NRG3: variants seen among roughly 807,000 people sequenced by gnomAD.
NRG3 encodes the protein pro-neuregulin-3, membrane-bound isoform.
NRG3 carries 31 observed loss-of-function variants against 66.9 expected under a neutral mutation model. The ratio of observed to expected loss-of-function variants is 0.46; its 90% CI spans 0.35 to 0.63. The LOEUF is 0.63. NRG3 is among the 20% of genes least tolerant of loss of function. The pLI is 0.00. For missense variants in NRG3, 910 were observed against 878.9 expected, an observed-to-expected ratio of 1.04 and a Z score of -0.45; for synonymous variants, 393 against 359.4, an observed-to-expected ratio of 1.09 and a Z score of -1.06.
chr10:82,763,094 A>G (rs556499994), intron 3 of NRG3, among the ~76,000 whole-genome samples: 1 of 152,334 alleles, frequency 6.6e-6, no homozygotes, highest in South Asian at 2.1e-4. Flanking sequence ...TTTATGGGGT[A>G]CAGTGATTTC....
At chr10:81,916,831 A>G (rs957452543) in intron 1 of NRG3, among the ~76,000 whole-genome samples, 3 of 152,148 alleles carry the variant, frequency 2.0e-5, no homozygotes, top group Non-Finnish European at 4.4e-5. Context: ...CCAGGTGCCA[A>G]CTCATGTTCG....
intron 1 of NRG3, among the ~76,000 whole-genome samples, chr10:82,332,688 A>C (rs927134789): frequency 6.6e-6 from 1 of 152,138 alleles, no homozygotes; most frequent in African/African-American, 2.4e-5. Context: ...TCATCTCTCT[A>C]CTGGCATGAG....
rs192058114 is a variant in NRG3, at chr10:82,403,064, T to C, written c.953+44196T>C. Among the ~76,000 whole-genome samples, 3 of 152,268 alleles carry C rather than the reference T, an allele frequency of 2.0e-5. No individual in the cohort carries two copies. In the East Asian group the frequency reaches 5.8e-4, roughly 29 times the overall value. The stretch of plus-strand genomic sequence containing the variant: ...AGGATGAGGTCAAGAATGAGTAATG[T>C]ACAACCACAGAAAAGACGTGACATG... On this transcript the variant is annotated intron_variant, in intron 2 of 8. Coordinates refer to ENST00000372141, the MANE Select transcript of NRG3 (RefSeq NM_001010848.4).
chr10:82,473,962 A>C (rs756876539), intron 2 of NRG3, among the ~76,000 whole-genome samples: 11 of 152,286 alleles, frequency 7.2e-5, no homozygotes, highest in East Asian at 1.9e-4. Context: ...TGACTCTTAG[A>C]TAAAATAAGA....
intron 1 of NRG3, among the ~76,000 whole-genome samples, chr10:82,136,041 C>G (rs2069318476): frequency 6.6e-6 from 1 of 152,126 alleles, no homozygotes; most frequent in Non-Finnish European, 1.5e-5. Context: ...TTTTTTGTCA[C>G]TGCAACCTTA....
intron 3 of NRG3, among the ~76,000 whole-genome samples, chr10:82,835,426 G>C (rs1481855351): frequency 6.6e-6 from 1 of 152,034 alleles, no homozygotes; most frequent in African/African-American, 2.4e-5. Flanking sequence ...CATTAGTATA[G>C]AATACTAACC....
chr10:82,342,277 A>G (rs2082724236), intron 1 of NRG3, among the ~76,000 whole-genome samples: 1 of 152,042 alleles, frequency 6.6e-6, no homozygotes, highest in Non-Finnish European at 1.5e-5. Flanking sequence ...CCCATTGGGT[A>G]TATACTCAGA....
At chr10:82,810,623 C>T (rs1156400151) in intron 3 of NRG3, among the ~76,000 whole-genome samples, 4 of 151,120 alleles carry the variant, frequency 2.6e-5, no homozygotes, top group Admixed American at 6.6e-5. Context: ...ATTAGCCAGG[C>T]GTGCTGGTGG....
At chr10:82,389,864 G>A (rs575762391) in intron 2 of NRG3, among the ~76,000 whole-genome samples, 4 of 152,258 alleles carry the variant, frequency 2.6e-5, no homozygotes, top group African/African-American at 9.6e-5. Flanking sequence ...ACATTAACAC[G>A]TATGATAACT....
At chr10:81,876,318 G>A (rs981879014) in intron 1 of NRG3, among the ~76,000 whole-genome samples, 155 bp downstream of exon 1, 2 of 152,228 alleles carry the variant, frequency 1.3e-5, no homozygotes, top group African/African-American at 4.8e-5. Flanking sequence ...GCCACCAGCG[G>A]GGAAGAAGGT....
chr10:82,042,165 G>A (rs773960439), intron 1 of NRG3, among the ~76,000 whole-genome samples: 23 of 151,860 alleles, frequency 1.5e-4, no homozygotes, highest in African/African-American at 1.9e-4. Context: ...TTTTGAACAC[G>A]AAACCAAAAT....
intron 2 of NRG3, among the ~76,000 whole-genome samples, chr10:82,709,558 G>A (rs933224120): frequency 2.6e-5 from 4 of 151,886 alleles, no homozygotes; most frequent in Admixed American, 6.6e-5. Flanking sequence ...ATTTTTGTAT[G>A]TTAGTAGAGA....
intron 1 of NRG3, among the ~76,000 whole-genome samples, chr10:82,185,105 CAA>C (rs777542712): frequency 5.3e-5 from 8 of 152,020 alleles, no homozygotes; most frequent in Non-Finnish European, 1.0e-4. Flanking sequence ...GAAGAGAAAA[CAA>C]GAGGCTAGCC....
At chr10:82,867,695 T>C (rs12262419) in intron 4 of NRG3, among the ~76,000 whole-genome samples, 27,228 of 152,016 alleles carry the variant, frequency 0.18, 2,528 homozygotes, top group Middle Eastern at 0.27. Flanking sequence ...AAAGAAGAGA[T>C]TGAGAATGCA....
intron 1 of NRG3, among the ~76,000 whole-genome samples, chr10:81,916,233 C>T (rs765586402): frequency 2.0e-5 from 3 of 152,032 alleles, no homozygotes; most frequent in African/African-American, 4.8e-5. Flanking sequence ...CAACCTGGCC[C>T]ATAGTAGAAA....
intron 2 of NRG3, among the ~76,000 whole-genome samples, chr10:82,510,421 G>C (rs966902274): frequency 1.3e-5 from 2 of 151,978 alleles, no homozygotes; most frequent in Non-Finnish European, 2.9e-5. Context: ...TCCCTGTGCA[G>C]ACATTCAGCA....
intron 2 of NRG3, among the ~76,000 whole-genome samples, chr10:82,438,708 C>T (rs1313888714): frequency 7.2e-5 from 11 of 152,224 alleles, no homozygotes; most frequent in East Asian, 1.9e-4. Context: ...TGCACAGTTC[C>T]GTGAAAAAAG....
intron 2 of NRG3, among the ~76,000 whole-genome samples, chr10:82,519,401 T>C (rs753427550): frequency 1.3e-5 from 2 of 152,186 alleles, no homozygotes; most frequent in Non-Finnish European, 2.9e-5. Context: ...CATTTGAATA[T>C]AGCAGATTGT....
chr10:82,879,603 G>C (rs537513317), intron 4 of NRG3, among the ~76,000 whole-genome samples: 57 of 151,810 alleles, frequency 3.8e-4, no homozygotes, highest in Non-Finnish European at 1.2e-4. Context: ...CTCTGGAGTA[G>C]GTGGGACTAC....
Sources: gnomAD v4.1 joint callset for allele counts (sites outside exome capture counted in the v4.1 genomes callset) on GRCh38, gnomAD v4.1.1 for gene constraint, MANE v1.5 for transcripts, NCBI Gene and HGNC (gene_info 2026-07-23, HGNC 2026-07-21) for gene names.